CDIN1: variants seen among roughly 807,000 people sequenced by gnomAD.
CDIN1 encodes the protein CDAN1-interacting nuclease 1.
Under a neutral mutation model 45.3 loss-of-function variants are expected in CDIN1, and 33 were observed. The observed-to-expected ratio is 0.73, with a 90% confidence interval of 0.55 to 0.97. CDIN1 has a LOEUF of 0.97. CDIN1 is among the 50% of genes least tolerant of loss of function. CDIN1 has a pLI of 0.00. For synonymous variants in CDIN1, 118 were observed against 124.4 expected (o/e 0.95, Z 0.34); for missense variants, 303 against 339.4 (o/e 0.89, Z 0.84).
At chr15:36,761,154 T>C (rs537176238) in intron 10 of CDIN1, among the ~76,000 whole-genome samples, 1 of 152,218 alleles carries the variant, frequency 6.6e-6, no homozygotes, top group South Asian at 2.1e-4. Context: ...TCTCCAGTTA[T>C]AATTCCAGCT....
intron 4 of CDIN1, among the ~76,000 whole-genome samples, chr15:36,656,090 A>G (rs1002257048): frequency 1.6e-4 from 25 of 152,198 alleles, no homozygotes; most frequent in African/African-American, 6.0e-4. Context: ...GCACTTTTCT[A>G]TGAAATTGAT....
intron 10 of CDIN1, among the ~76,000 whole-genome samples, chr15:36,783,348 CT>C (rs5811938): frequency 0.67 from 99,749 of 148,238 alleles, 36,154 homozygotes; most frequent in East Asian, 0.94. Flanking sequence ...ATTGGAGTAG[CT>C]TTTTTTTTTT....
intron 1 of CDIN1, among the ~76,000 whole-genome samples, chr15:36,595,355 A>G (rs1219464129): frequency 1.3e-5 from 2 of 148,996 alleles, no homozygotes; most frequent in Non-Finnish European, 3.0e-5. Flanking sequence ...ATATGATGAT[A>G]TAATGTATTT....
intron 1 of CDIN1, among the ~76,000 whole-genome samples, chr15:36,597,737 A>G (rs1384355299): frequency 6.6e-6 from 1 of 152,154 alleles, no homozygotes; most frequent in Non-Finnish European, 1.5e-5. Context: ...GACTTGCAAT[A>G]CAATATTATA....
chr15:36,702,722 G>A (rs1381429128), intron 8 of CDIN1, among the ~76,000 whole-genome samples: 1 of 152,080 alleles, frequency 6.6e-6, no homozygotes, highest in Non-Finnish European at 1.5e-5. Context: ...TCTCTTAATA[G>A]GATCCAGAAG....
chr15:36,723,400 A>G (rs183474142), intron 10 of CDIN1, among the ~76,000 whole-genome samples: 2 of 152,202 alleles, frequency 1.3e-5, no homozygotes. Flanking sequence ...TTTTAAGAGT[A>G]CTCCATATTG....
intron 10 of CDIN1, among the ~76,000 whole-genome samples, chr15:36,729,638 A>G (rs1485167420): frequency 6.6e-6 from 1 of 152,192 alleles, no homozygotes; most frequent in African/African-American, 2.4e-5. Context: ...GAGTGACATT[A>G]TTAGTGAAAT....
At chr15:36,657,789 C>G in intron 4 of CDIN1, 44 bp from the exon 5 acceptor site, 1 of 1,502,834 alleles carries the variant, frequency 6.7e-7, no homozygotes, top group Non-Finnish European at 9.1e-7. Flanking sequence ...ATCCACTGCT[C>G]GCACAACTTG....
At chr15:36,657,209 C>T (rs1266156030) in intron 4 of CDIN1, among the ~76,000 whole-genome samples, 1 of 151,964 alleles carries the variant, frequency 6.6e-6, no homozygotes, top group African/African-American at 2.4e-5. Context: ...CAGATAAGGA[C>T]GGTGATCTTA....
At chr15:36,737,781 C>G (rs1453031240) in intron 10 of CDIN1, among the ~76,000 whole-genome samples, 3 of 152,140 alleles carry the variant, frequency 2.0e-5, no homozygotes, top group Non-Finnish European at 2.9e-5. Context: ...ATGCCTGGAG[C>G]TGCTTTTTGT....
chr15:36,770,438 G>GATT (rs1433215022), intron 10 of CDIN1, among the ~76,000 whole-genome samples: 16 of 151,418 alleles, frequency 1.1e-4, no homozygotes, highest in African/African-American at 3.9e-4. Context: ...TGATGATGAT[G>GATT]ATGATTATTA....
intron 1 of CDIN1, among the ~76,000 whole-genome samples, chr15:36,643,610 C>T (rs1322500893): frequency 3.9e-5 from 6 of 152,196 alleles, no homozygotes; most frequent in Admixed American, 3.3e-4. Flanking sequence ...AAAATTCCCA[C>T]TTGGGAAGAA....
chr15:36,582,879 G>C (rs1257686087), intron 1 of CDIN1, among the ~76,000 whole-genome samples: 1 of 152,180 alleles, frequency 6.6e-6, no homozygotes, highest in Admixed American at 6.5e-5. Flanking sequence ...ACATCTTGTA[G>C]TTAGCATTTT....
At chr15:36,655,567 C>A (rs769852282) in intron 4 of CDIN1, among the ~76,000 whole-genome samples, 2 of 152,104 alleles carry the variant, frequency 1.3e-5, no homozygotes, top group Non-Finnish European at 2.9e-5. Context: ...CCTTGTGGTC[C>A]ACCTGCTTTG....
chr15:36,590,061 T>G (rs936299207), intron 1 of CDIN1, among the ~76,000 whole-genome samples: 7 of 152,194 alleles, frequency 4.6e-5, no homozygotes, highest in Non-Finnish European at 1.0e-4. Flanking sequence ...AAGCCAGAGC[T>G]TCCTTCATGC....
At chr15:36,606,938 A>G (rs2038405935) in intron 1 of CDIN1, among the ~76,000 whole-genome samples, 1 of 152,164 alleles carries the variant, frequency 6.6e-6, no homozygotes, top group African/African-American at 2.4e-5. Flanking sequence ...ACAGGTTGGA[A>G]GTCACAGAGA....
chr15:36,721,538 C>A (rs1340943760), intron 10 of CDIN1, among the ~76,000 whole-genome samples: 6 of 152,082 alleles, frequency 3.9e-5, no homozygotes, highest in Admixed American at 6.6e-5. Flanking sequence ...GAGAACAAAT[C>A]TGAATTCTTT....
At chr15:36,701,535 A>G (rs1384978520) in intron 8 of CDIN1, among the ~76,000 whole-genome samples, 1 of 152,202 alleles carries the variant, frequency 6.6e-6, no homozygotes, top group East Asian at 1.9e-4. Context: ...CAAAAGACTG[A>G]AGATAAACCA....
chr15:36,587,560 C>G (rs910715206), intron 1 of CDIN1, among the ~76,000 whole-genome samples: 3 of 151,992 alleles, frequency 2.0e-5, no homozygotes, highest in African/African-American at 7.3e-5. Context: ...TTTTACTTGG[C>G]TCTTATGCTT....
Sources: allele counts gnomAD v4.1 joint callset (sites outside exome capture counted in the v4.1 genomes callset), GRCh38; gene constraint gnomAD v4.1.1; transcripts MANE v1.5; gene names NCBI Gene and HGNC (gene_info 2026-07-23, HGNC 2026-07-21).